The following SP100 variants were observed in gnomAD, a reference collection of about 807,000 sequenced individuals.
The protein encoded by SP100 is SP100 nuclear body protein.
SP100 carries 84 observed loss-of-function variants against 130.0 expected under a neutral mutation model. The ratio of observed to expected loss-of-function variants is 0.65; its 90% confidence interval spans 0.54 to 0.77. The LOEUF is 0.77. Ranked by LOEUF, SP100 falls within the 30% of genes least tolerant of loss-of-function variation. SP100 has a pLI of 0.00. For missense variants in SP100, 978 were observed against 1,052.2 expected, an observed-to-expected ratio of 0.93 and a Z score of 0.97; for synonymous variants, 331 against 351.7, an observed-to-expected ratio of 0.94 and a Z score of 0.66.
chr2:230,532,661 G>T (rs1691754140), intron 24 of SP100, among the ~76,000 whole-genome samples: 1 of 152,108 alleles, frequency 6.6e-6, no homozygotes, highest in African/African-American at 2.4e-5. Flanking sequence ...AGAGTCTAGT[G>T]GTGAAAGTTA....
At chr2:230,533,565 T>C (rs1691801155) in intron 24 of SP100, among the ~76,000 whole-genome samples, 1 of 152,196 alleles carries the variant, frequency 6.6e-6, no homozygotes, top group African/African-American at 2.4e-5. Flanking sequence ...TCTTGAACAT[T>C]ACCCTAGTTT....
chr2:230,494,668 T>C (rs888806950), intron 18 of SP100, among the ~76,000 whole-genome samples: 5 of 152,176 alleles, frequency 3.3e-5, no homozygotes, highest in African/African-American at 1.2e-4. Flanking sequence ...AGCCCAGAAG[T>C]GGTAGGCAGT....
Position 230,473,353 on chromosome 2 carries a change from A to T in SP100, c.1459A>T (p.Lys487Ter), listed in dbSNP as rs778223031. Residue 487 changes from lysine to a stop codon, truncating the protein, a stop_gained, in exon 16 of 29, where the codon AAG becomes TAG. Transcript: ENST00000340126. LOFTEE classifies it high-confidence loss of function. ...GSQPQEPENK[K>*]CSCVMCFPKG... The stretch of plus-strand genomic sequence containing the variant: ...ACAGCCACAAGAACCTGAAAATAAG[A>T]AGTGCTCCTGTGTCATGTGTTTTCC... The T allele has an allele frequency of 2.5e-6, 4 of 1,613,588 alleles. No homozygotes were observed. The highest frequency in any genetic ancestry group is 3.4e-6 in the Non-Finnish European group (4 of 1,179,582).
chr2:230,515,873 G>T, intron 24 of SP100: 1 of 1,251,636 alleles, frequency 8.0e-7, no homozygotes, highest in Non-Finnish European at 1.0e-6. Context: ...GTTGTAAATT[G>T]GCATGGAAAT....
chr2:230,446,940 G>T (rs1197044559), intron 5 of SP100, 38 bp downstream of exon 5: 2 of 1,260,968 alleles, frequency 1.6e-6, no homozygotes, highest in East Asian at 2.4e-5. Context: ...TCTAAGAGAG[G>T]TTAGGGATCC....
chr2:230,527,834 A>C (rs183794589), intron 24 of SP100, among the ~76,000 whole-genome samples: 594 of 152,350 alleles, frequency 3.9e-3, no homozygotes, highest in Non-Finnish European at 6.4e-3. Context: ...GAGACAAAGA[A>C]GGCCATTATA....
chr2:230,535,587 G>T (rs1002363584), intron 24 of SP100, among the ~76,000 whole-genome samples: 12 of 152,038 alleles, frequency 7.9e-5, no homozygotes, highest in Middle Eastern at 3.4e-3. Flanking sequence ...ATTAATTCAT[G>T]GCAATGTGTT....
intron 4 of SP100, among the ~76,000 whole-genome samples, chr2:230,444,741 T>C (rs1282816336): frequency 6.6e-6 from 1 of 152,188 alleles, no homozygotes; most frequent in Middle Eastern, 3.2e-3. Flanking sequence ...AGGATCCACC[T>C]TGGCTCAGCA....
chr2:230,429,350 T>C (rs570112598), intron 2 of SP100, among the ~76,000 whole-genome samples: 4 of 152,366 alleles, frequency 2.6e-5, no homozygotes, highest in East Asian at 3.9e-4. Flanking sequence ...CTCTCTTATA[T>C]GTAATGAGTT....
At chr2:230,481,223 T>C (rs2065820146) in intron 17 of SP100, among the ~76,000 whole-genome samples, 1 of 152,152 alleles carries the variant, frequency 6.6e-6, no homozygotes, top group South Asian at 2.1e-4. Context: ...TCTTTTCTTC[T>C]CTCTCTCCTC....
At chr2:230,424,407 C>T (rs748975716) in intron 2 of SP100, among the ~76,000 whole-genome samples, 4 of 152,150 alleles carry the variant, frequency 2.6e-5, no homozygotes, top group Non-Finnish European at 4.4e-5. Context: ...TGGCTCAGGC[C>T]TGTAATCCCA....
At chr2:230,437,602 C>T (rs2063332781) in intron 2 of SP100, among the ~76,000 whole-genome samples, 1 of 151,916 alleles carries the variant, frequency 6.6e-6, no homozygotes. Flanking sequence ...CAGAGTCTTG[C>T]TCTGTCACCC....
chr2:230,435,208 G>A (rs1246410811), intron 2 of SP100, among the ~76,000 whole-genome samples: 2 of 152,108 alleles, frequency 1.3e-5, no homozygotes, highest in African/African-American at 4.8e-5. Flanking sequence ...CCAATCTAAT[G>A]GGTGAGAAAT....
intron 9 of SP100, 59 bp downstream of exon 9, chr2:230,461,473 A>G (rs11692640): frequency 0.18 from 278,664 of 1,571,322 alleles, 25,313 homozygotes; most frequent in Admixed American, 0.26. Context: ...TAAGGGGCTC[A>G]GGGACTTCAT....
chr2:230,498,600 A>AT (rs1239206689), intron 19 of SP100, 65 bp downstream of exon 19: 15 of 908,482 alleles, frequency 1.7e-5, no homozygotes, highest in Non-Finnish European at 2.2e-5. Context: ...AGTAAGAAAC[A>AT]TTTTTTTCCT....
intron 24 of SP100, among the ~76,000 whole-genome samples, chr2:230,531,618 A>G (rs1691709551): frequency 6.6e-6 from 1 of 152,194 alleles, no homozygotes. Context: ...CTTTTTTTTA[A>G]TATAATTAAG....
chr2:230,498,551 T>C lies in SP100; in HGVS notation c.1720+16T>C. 9.4e-7 allele frequency: 1 copy of C among 1,062,120 alleles called. No homozygotes were observed. Among genetic ancestry groups the C allele is most frequent in the Non-Finnish European group, 1.3e-6 (1 of 782,222 alleles). 65.8% of individuals were successfully genotyped at this position (1,062,120 alleles called of 1,614,324 possible). A position where few individuals can be genotyped will look rare whatever the true frequency, so the allele number is the denominator to read the frequency against. On this transcript the variant is annotated intron_variant, in intron 19 of 28. Transcript: ENST00000340126. The stretch of plus-strand genomic sequence containing the variant: ...CAACAAAGAGGTAAAAAAAAAAAAA[T>C]ACATTTTAAATAAATAACGTCTAAA...
Position 230,504,824 on chromosome 2 carries a change from A to G in SP100, c.1870+534A>G, listed in dbSNP as rs189577133. ...TTATAGATAAATGCAATTTATTTAC[A>G]TATGTCTGAAAATAATACATCAGGA... On this transcript the variant is annotated intron_variant, in intron 21 of 28. Transcript: ENST00000340126. 4.5e-3 allele frequency among the ~76,000 whole-genome samples: 690 copies of G among 152,338 alleles called. 1 individual carries two copies. The highest frequency in any genetic ancestry group is 8.1e-3 in the Non-Finnish European group (549 of 68,032).
At chr2:230,508,250 A>AATAGATT (rs1313185500) in intron 23 of SP100, 3 of 557,908 alleles carry the variant, frequency 5.4e-6, no homozygotes, top group Non-Finnish European at 8.7e-6. Flanking sequence ...AATCCTCAGA[A>AATAGATT]ATAGATTAAA....
Sources: gnomAD v4.1 joint callset for allele counts (sites outside exome capture counted in the v4.1 genomes callset) on GRCh38, gnomAD v4.1.1 for gene constraint, MANE v1.5 for transcripts, NCBI Gene and HGNC (gene_info 2026-07-23, HGNC 2026-07-21) for gene names.